Variants in SLC25A19 observed in about 807,000 individuals in gnomAD.
SLC25A19 encodes mitochondrial thiamine pyrophosphate carrier.
SLC25A19 carries 18 observed loss-of-function variants against 27.9 expected under a neutral mutation model. The ratio of observed to expected loss-of-function variants is 0.64; its 90% CI spans 0.45 to 0.96. The LOEUF (loss-of-function observed/expected upper bound fraction) is 0.96. Ranked by LOEUF, SLC25A19 falls within the 40% of genes least tolerant of loss-of-function variation. SLC25A19 has a pLI of 0.00. For synonymous variants in SLC25A19, 169 were observed against 167.1 expected (o/e 1.01, Z -0.09); for missense variants, 371 against 418.3 (o/e 0.89, Z 0.99).
intron 4 of SLC25A19, 86 bp from the exon 5 acceptor site, chr17:75,283,679 G>T (rs2078111334): frequency 7.2e-7 from 1 of 1,380,850 alleles, no homozygotes; most frequent in East Asian, 2.4e-5. Flanking sequence ...CCCGTGACCC[G>T]GCTGGGGCCC....
intron 5 of SLC25A19, among the ~76,000 whole-genome samples, chr17:75,278,641 G>A (rs1178508189): frequency 3.3e-5 from 5 of 152,202 alleles, no homozygotes; most frequent in Middle Eastern, 3.4e-3. Context: ...TGCTGGTTAC[G>A]TGAATTATGG....
At chr17:75,279,690 G>T (rs2077987351) in intron 5 of SLC25A19, among the ~76,000 whole-genome samples, 1 of 151,860 alleles carries the variant, frequency 6.6e-6, no homozygotes, top group Admixed American at 6.6e-5. Flanking sequence ...TGTATTTTTA[G>T]TAGAGACGGG....
At chr17:75,286,959 C>T (rs887001561) in intron 2 of SLC25A19, 157 bp from the exon 3 acceptor site, 11 of 683,800 alleles carry the variant, frequency 1.6e-5, no homozygotes, top group Admixed American at 4.6e-5. Context: ...CCAGCACTTT[C>T]GGAGGCCGAG....
At chr17:75,280,924 G>A (rs906669654) in intron 5 of SLC25A19, among the ~76,000 whole-genome samples, 6 of 133,438 alleles carry the variant, frequency 4.5e-5, no homozygotes, top group South Asian at 5.1e-4. Flanking sequence ...GCCATACTCC[G>A]TCTCAAAAAC....
chr17:75,278,345 C>T lies in SLC25A19; in HGVS notation c.460-10G>A. On this transcript the variant is annotated splice_polypyrimidine_tract_variant and intron_variant, in intron 5 of 7. Transcript: ENST00000416858. ...GCAGCGTATTATAGACCTGGACACA[C>T]ACACGCACTTTGAATGAGCTCAGTG... The T allele has an allele frequency of 1.2e-6, 2 of 1,614,100 alleles. No individual in the cohort carries two copies. Among genetic ancestry groups the T allele is most frequent in the Non-Finnish European group, 1.7e-6 (2 of 1,180,024 alleles).
chr17:75,277,286 A>G, intron 7 of SLC25A19, 67 bp downstream of exon 7: 3 of 1,595,922 alleles, frequency 1.9e-6, no homozygotes, highest in East Asian at 2.3e-5. Flanking sequence ...GGAGGTGACT[A>G]CTGGTTCCCT....
At chr17:75,276,496 T>G (rs1193056404) in intron 7 of SLC25A19, among the ~76,000 whole-genome samples, 1 of 151,608 alleles carries the variant, frequency 6.6e-6, no homozygotes, top group East Asian at 1.9e-4. Context: ...GCCTCCCGAG[T>G]AGCTGGGACT....
chr17:75,278,893 G>A (rs951877022), intron 5 of SLC25A19, among the ~76,000 whole-genome samples: 2 of 151,726 alleles, frequency 1.3e-5, no homozygotes, highest in African/African-American at 4.8e-5. Context: ...TGAGGCACAA[G>A]AATTGCTTGA....
intron 2 of SLC25A19, 121 bp from the exon 3 acceptor site, chr17:75,286,923 T>C: frequency 2.0e-6 from 2 of 998,342 alleles, no homozygotes; most frequent in Non-Finnish European, 3.0e-6. Flanking sequence ...ACTTTTGGAC[T>C]GGGCGCAGCG....
intron 5 of SLC25A19, among the ~76,000 whole-genome samples, chr17:75,279,605 T>A (rs1263409071): frequency 6.7e-6 from 1 of 149,522 alleles, no homozygotes; most frequent in Non-Finnish European, 1.5e-5. Context: ...ACCTCCCAGG[T>A]TCAAGCGATT....
intron 5 of SLC25A19, among the ~76,000 whole-genome samples, chr17:75,282,888 ATAAAAATCATATATTT>A (rs2078075995): frequency 6.6e-6 from 1 of 151,152 alleles, no homozygotes; most frequent in Non-Finnish European, 1.5e-5. Flanking sequence ...AAAAATAAAA[ATAAAAATCATATATTT>A]AAAAAAAACA....
At chr17:75,275,635 A>G (rs1474956352) in intron 7 of SLC25A19, among the ~76,000 whole-genome samples, 1 of 152,168 alleles carries the variant, frequency 6.6e-6, no homozygotes, top group Non-Finnish European at 1.5e-5. Flanking sequence ...GCTTCTCTTA[A>G]TGGCCAACTC....
chr17:75,279,611 C>T (rs748052827), intron 5 of SLC25A19, among the ~76,000 whole-genome samples: 3 of 150,166 alleles, frequency 2.0e-5, no homozygotes, highest in Non-Finnish European at 2.9e-5. Context: ...CAGGTTCAAG[C>T]GATTGTCCTG....
rs2077947482 is a variant in SLC25A19 at position 75,278,293 on chromosome 17, T to C, written c.502A>G (p.Ser168Gly). ...TTGTAGAAAACCTGGGGGCCTTCGC[T>C]CCTATACATGGTCCCCACGGCGTGG... ...LRHAVGTMYR[S>G]EGPQVFYKGL... Residue 168 changes from serine to glycine, a missense_variant, in exon 6 of 8, where the codon AGC (serine) becomes GGC (glycine). By Grantham distance (56) the Ser-to-Gly change is moderately conservative. Transcript: ENST00000416858. The C allele has an allele frequency of 1.2e-6, 2 of 1,613,924 alleles. No individual in the cohort carries two copies. The highest frequency in any genetic ancestry group is 2.7e-5 in the African/African-American group (2 of 74,860).
chr17:75,279,797 G>T (rs533064906), intron 5 of SLC25A19, among the ~76,000 whole-genome samples: 2 of 152,228 alleles, frequency 1.3e-5, no homozygotes, highest in African/African-American at 4.8e-5. Flanking sequence ...GAGAGCCATC[G>T]CGCCCAGCCC....
At chr17:75,274,223 C>G (rs1409224744) in intron 7 of SLC25A19, among the ~76,000 whole-genome samples, 1 of 152,192 alleles carries the variant, frequency 6.6e-6, no homozygotes, top group Admixed American at 6.5e-5. Context: ...AGAACCTCTT[C>G]CCAGAGGCAT....
At position 75,273,225 on chromosome 17, in the gene SLC25A19, CT is replaced by C. The variant is rs2077772224; in HGVS notation, c.*225del. ...AACAGCAACTTCCTGCTCCTTCTCA[CT>C]GTGTCGTTGGCTCACCATAGACCAC... On this transcript the variant is annotated 3_prime_UTR_variant, in exon 8 of 8. Coordinates refer to ENST00000416858, the MANE Select transcript of SLC25A19 (RefSeq NM_001126121.2). 2 of 571,106 alleles carry C rather than the reference CT, an allele frequency of 3.5e-6. No homozygotes were observed. Among genetic ancestry groups the C allele is most frequent in the East Asian group, 5.9e-5 (2 of 33,632 alleles). The allele number at this position is 571,106 out of a possible 1,614,324, so 35.4% of individuals were successfully genotyped here. A position where few individuals can be genotyped will look rare whatever the true frequency, so the allele number is the denominator to read the frequency against.
intron 7 of SLC25A19, among the ~76,000 whole-genome samples, chr17:75,275,668 C>T (rs998622361): frequency 2.0e-5 from 3 of 152,152 alleles, no homozygotes; most frequent in South Asian, 4.1e-4. Flanking sequence ...TAAAATACAA[C>T]TTAGGCCCAG....
intron 7 of SLC25A19, 107 bp downstream of exon 7, chr17:75,277,246 A>C: frequency 2.1e-6 from 3 of 1,448,144 alleles, no homozygotes; most frequent in Non-Finnish European, 2.8e-6. Flanking sequence ...TGAAGGGGCC[A>C]TGGCCAGGGG....
Sources: allele counts gnomAD v4.1 joint callset (sites outside exome capture counted in the v4.1 genomes callset), GRCh38; gene constraint gnomAD v4.1.1; transcripts MANE v1.5; gene names NCBI Gene and HGNC (gene_info 2026-07-23, HGNC 2026-07-21).